Variants in ADAMTSL1 observed in about 807,000 individuals in gnomAD.
ADAMTSL1 encodes the protein ADAMTS-like protein 1.
A neutral mutation model predicts 201.8 loss-of-function variants in ADAMTSL1; 126 were observed. The ratio of observed to expected loss-of-function variants is 0.62; its 90% confidence interval spans 0.54 to 0.72. ADAMTSL1 has a LOEUF of 0.72. Among genes scored for constraint, ADAMTSL1 ranks in the 30% least tolerant of loss-of-function variants. ADAMTSL1 has a pLI of 0.00. For synonymous variants in ADAMTSL1, 1,121 were observed against 903.4 expected (o/e 1.24, Z -4.32); for missense variants, 2,679 against 2,277.8 (o/e 1.18, Z -3.59).
In ADAMTSL1 at chr9:18,504,846, C is replaced by CT; in HGVS notation, c.82dup (p.Ser28PhefsTer17). 6.2e-7 allele frequency: 1 copy of CT among 1,614,208 alleles called. No homozygotes were observed. Among genetic ancestry groups the CT allele is most frequent in the Non-Finnish European group, 8.5e-7 (1 of 1,180,036 alleles). ...TCTCACAGAGTTCCAGGACCGCACG[C>CT]TCCGAGGAGGACCGGGACGGCCTAT... On this transcript the variant is annotated frameshift_variant, in exon 2 of 29. Transcript: ENST00000380548. LOFTEE classifies it high-confidence loss of function.
chr9:18,480,519 A>G (rs1821670514), intron 1 of ADAMTSL1, among the ~76,000 whole-genome samples: 1 of 152,218 alleles, frequency 6.6e-6, no homozygotes, highest in African/African-American at 2.4e-5. Context: ...ACAGACTTAC[A>G]CTGTGAACAT....
intron 2 of ADAMTSL1, among the ~76,000 whole-genome samples, chr9:18,529,530 A>C (rs148383821): frequency 7.0e-4 from 106 of 152,298 alleles, no homozygotes; most frequent in African/African-American, 2.4e-3. Flanking sequence ...TTAAATAGGA[A>C]TAATAAAATT....
At chr9:18,196,227 C>T (rs1259304688) in intron 2 of ADAMTSL1, among the ~76,000 whole-genome samples, 1 of 151,968 alleles carries the variant, frequency 6.6e-6, no homozygotes, top group East Asian at 1.9e-4. Flanking sequence ...AAGATAAATC[C>T]ATTTGGCTGG....
In ADAMTSL1 at chr9:18,714,091, T is replaced by C. The variant is rs148732674; in HGVS notation, c.1876+7043T>C. ...AACATACCAGAATCTCTGGGACACA[T>C]TCAAGGCAGTGTGTAGAGGGAAATT... On this transcript the variant is annotated intron_variant, in intron 14 of 28. Transcript: ENST00000380548. 2.6e-5 allele frequency among the ~76,000 whole-genome samples: 4 copies of C among 151,478 alleles called. No individual in the cohort carries two copies. The East Asian group carries it at 7.7e-4, about 29-fold the overall frequency.
intron 1 of ADAMTSL1, among the ~76,000 whole-genome samples, chr9:17,934,392 C>CT (rs1338026349): frequency 6.6e-6 from 1 of 152,162 alleles, no homozygotes; most frequent in Non-Finnish European, 1.5e-5. Context: ...CCCTCCTTGG[C>CT]TAGCTAAAAT....
intron 2 of ADAMTSL1, among the ~76,000 whole-genome samples, chr9:18,460,948 G>A (rs2131708093): frequency 6.6e-6 from 1 of 152,204 alleles, no homozygotes; most frequent in Non-Finnish European, 1.5e-5. Flanking sequence ...ACATTTTATT[G>A]GCATGTGAGT....
At chr9:17,922,087 C>CT (rs33961485) in intron 1 of ADAMTSL1, among the ~76,000 whole-genome samples, 114,822 of 144,584 alleles carry the variant, frequency 0.79, 45,991 homozygotes, top group East Asian at 0.9. Context: ...GCAGTTCAGG[C>CT]TTTTTTTTTT....
intron 1 of ADAMTSL1, among the ~76,000 whole-genome samples, chr9:18,026,566 G>A (rs1820704843): frequency 6.6e-6 from 1 of 151,834 alleles, no homozygotes; most frequent in Non-Finnish European, 1.5e-5. Flanking sequence ...CTATTTAATA[G>A]TGGTGAATTA....
intron 2 of ADAMTSL1, among the ~76,000 whole-genome samples, chr9:18,527,094 G>C (rs891050179): frequency 6.6e-6 from 1 of 152,066 alleles, no homozygotes; most frequent in African/African-American, 2.4e-5. Context: ...TGCACTCCAG[G>C]CTGGGTAACA....
In ADAMTSL1 at chr9:18,104,342, C is replaced by T. The variant is rs143053981; in HGVS notation, c.88-59520C>T. On this transcript the variant is annotated intron_variant, in intron 1 of 29. Coordinates refer to the ADAMTSL1 transcript ENST00000680146. The stretch of plus-strand genomic sequence containing the variant: ...TGAAATTTTCACCCAAATAAAGGGA[C>T]GAAGTCAGGGATGAGCAATTCCACC... Among the ~76,000 whole-genome samples, 20 of 152,204 alleles carry T rather than the reference C, an allele frequency of 1.3e-4. No individual in the cohort carries two copies. In the East Asian group the frequency reaches 2.7e-3, roughly 21 times the overall value.
At chr9:18,115,870 T>C (rs981599648) in intron 1 of ADAMTSL1, among the ~76,000 whole-genome samples, 2 of 152,198 alleles carry the variant, frequency 1.3e-5, no homozygotes, top group African/African-American at 4.8e-5. Context: ...CCATGCATGT[T>C]TCCCTTCATA....
intron 4 of ADAMTSL1, among the ~76,000 whole-genome samples, chr9:18,589,916 C>G (rs1823798044): frequency 1.3e-5 from 2 of 152,008 alleles, no homozygotes; most frequent in African/African-American, 4.8e-5. Flanking sequence ...GAATTATTCC[C>G]TCTTAATCAT....
At chr9:18,170,297 TG>T (rs1827832390) in intron 2 of ADAMTSL1, among the ~76,000 whole-genome samples, 1 of 152,046 alleles carries the variant, frequency 6.6e-6, no homozygotes, top group African/African-American at 2.4e-5. Flanking sequence ...AAAAGGAAGC[TG>T]GGGAAGGCTG....
intron 1 of ADAMTSL1, among the ~76,000 whole-genome samples, chr9:18,030,896 T>G (rs1340691520): frequency 6.6e-6 from 1 of 152,158 alleles, no homozygotes; most frequent in African/African-American, 2.4e-5. Flanking sequence ...CTCACTGAGT[T>G]AATTTGAGTG....
intron 5 of ADAMTSL1, among the ~76,000 whole-genome samples, chr9:18,625,286 TC>T (rs71494974): frequency 6.9e-6 from 1 of 145,060 alleles, no homozygotes; most frequent in Non-Finnish European, 1.5e-5. Context: ...TTTTTTTTTT[TC>T]CCTTATGTTA....
intron 1 of ADAMTSL1, among the ~76,000 whole-genome samples, chr9:18,110,422 C>T (rs757641571): frequency 6.6e-6 from 1 of 152,098 alleles, no homozygotes; most frequent in Non-Finnish European, 1.5e-5. Context: ...ATTCAGGCCA[C>T]CAGGGTCTAT....
At chr9:18,383,636 T>A (rs76560347) in intron 2 of ADAMTSL1, among the ~76,000 whole-genome samples, 12,817 of 152,204 alleles carry the variant, frequency 0.084, 734 homozygotes, top group Middle Eastern at 0.15. Context: ...TGGTTGACTG[T>A]CCCCTTGGAC....
At chr9:18,690,165 C>T (rs753957628) in intron 13 of ADAMTSL1, among the ~76,000 whole-genome samples, 11 of 152,052 alleles carry the variant, frequency 7.2e-5, no homozygotes, top group Non-Finnish European at 1.2e-4. Context: ...ATAGAAAAAC[C>T]AATAAGAGTC....
intron 1 of ADAMTSL1, among the ~76,000 whole-genome samples, chr9:17,957,549 A>G (rs1271469331): frequency 6.6e-6 from 1 of 152,166 alleles, no homozygotes; most frequent in Non-Finnish European, 1.5e-5. Context: ...CTCTGGGTCA[A>G]TCTCCAAAGG....
Sources: allele counts gnomAD v4.1 joint callset (sites outside exome capture counted in the v4.1 genomes callset), GRCh38; gene constraint gnomAD v4.1.1; transcripts MANE v1.5; gene names NCBI Gene and HGNC (gene_info 2026-07-23, HGNC 2026-07-21).